The following PDE3A variants were observed in gnomAD, a reference collection of about 807,000 sequenced individuals.
The protein encoded by PDE3A is phosphodiesterase 3A.
In PDE3A, 43 loss-of-function variants were observed where a neutral mutation model predicts 98.3. The ratio of observed to expected loss-of-function variants is 0.44; its 90% CI spans 0.34 to 0.56. The LOEUF (loss-of-function observed/expected upper bound fraction) is 0.56. Ranked by LOEUF, PDE3A falls within the 20% of genes least tolerant of loss-of-function variation. The pLI, the probability that PDE3A is intolerant of heterozygous loss-of-function variation, is 0.01. For missense variants in PDE3A, 1,427 were observed against 1,440.7 expected (o/e 0.99, Z 0.15); for synonymous variants, 663 against 567.9 (o/e 1.17, Z -2.38).
At chr12:20,655,504 T>C (rs1945021810) in intron 15 of PDE3A, among the ~76,000 whole-genome samples, 2 of 152,150 alleles carry the variant, frequency 1.3e-5, no homozygotes, top group Admixed American at 1.3e-4. Flanking sequence ...CTGTTTCTGG[T>C]TGGGCCAGTA....
Position 20,683,643 on chromosome 12 carries a change from T to C in PDE3A, c.*3372T>C, listed in dbSNP as rs1487944142. 6.6e-6 allele frequency: 1 copy of C among 152,174 alleles called. No homozygotes were observed. Among genetic ancestry groups the C allele is most frequent in the Non-Finnish European group, 1.5e-5 (1 of 68,018 alleles). The allele number at this position is 152,174 out of a possible 1,614,324, so 9.4% of individuals were successfully genotyped here. ...CTTTTGCTTTTGTTAGCTGTAATAT[T>C]TTTTGTCATTTAGATAAGACCTGGT... On this transcript the variant is annotated 3_prime_UTR_variant, in exon 16 of 16. Coordinates refer to ENST00000359062, the MANE Select transcript of PDE3A (RefSeq NM_000921.5).
At chr12:20,578,474 TACACACACACACAC>T (rs5796870) in intron 2 of PDE3A, among the ~76,000 whole-genome samples, 3 of 148,462 alleles carry the variant, frequency 2.0e-5, no homozygotes, top group Non-Finnish European at 3.0e-5. Flanking sequence ...ATACAACTAA[TACACACACACACAC>T]ACACACACAC....
chr12:20,615,016 C>CTTTTTTTTTTT (rs11313010), intron 3 of PDE3A, among the ~76,000 whole-genome samples: 6 of 59,114 alleles, frequency 1.0e-4, no homozygotes, highest in Admixed American at 5.3e-4. Flanking sequence ...TTCTCTCTTT[C>CTTTTTTTTTTT]TTTTTTTTTT....
chr12:20,629,684 A>G (rs555570730), intron 5 of PDE3A, among the ~76,000 whole-genome samples: 72 of 152,228 alleles, frequency 4.7e-4, no homozygotes, highest in African/African-American at 1.7e-3. Flanking sequence ...ATGTGCCAAC[A>G]TTGCCACTAT....
intron 1 of PDE3A, among the ~76,000 whole-genome samples, chr12:20,452,189 A>G (rs1480150332): frequency 2.0e-5 from 3 of 152,216 alleles, no homozygotes; most frequent in Admixed American, 6.5e-5. Context: ...ATCATGGTTC[A>G]TATAGTCTAA....
At chr12:20,498,387 A>T (rs1945962470) in intron 1 of PDE3A, among the ~76,000 whole-genome samples, 1 of 151,956 alleles carries the variant, frequency 6.6e-6, no homozygotes, top group African/African-American at 2.4e-5. Flanking sequence ...CAAGAAAAAA[A>T]GTGAGTGAGT....
At chr12:20,380,104 G>A (rs529403570) in intron 1 of PDE3A, among the ~76,000 whole-genome samples, 2 of 151,922 alleles carry the variant, frequency 1.3e-5, no homozygotes, top group South Asian at 4.1e-4. Flanking sequence ...GTGCTCTTCA[G>A]CTATCACCTT....
chr12:20,670,347 C>A (rs1204428711), intron 15 of PDE3A, among the ~76,000 whole-genome samples: 2 of 149,338 alleles, frequency 1.3e-5, no homozygotes, highest in Non-Finnish European at 3.0e-5. Flanking sequence ...ACCAAGCGGA[C>A]CTAATAGACA....
At chr12:20,512,372 C>A (rs1290427661) in intron 1 of PDE3A, among the ~76,000 whole-genome samples, 1 of 152,012 alleles carries the variant, frequency 6.6e-6, no homozygotes, top group Admixed American at 6.6e-5. Flanking sequence ...AAATTATACA[C>A]TCTTTAATTA....
rs1246878355 is a variant in PDE3A at position 20,683,337 on chromosome 12, A to T, written c.*3066A>T. On this transcript the variant is annotated 3_prime_UTR_variant, in exon 16 of 16. Coordinates refer to ENST00000359062, the MANE Select transcript of PDE3A (RefSeq NM_000921.5). ...TTGTTGCAATTTACTACATTTTTATATGAGCCTATTTATAGGTGCCATTAA... is the reference window on the plus strand; with the variant it reads ...TTGTTGCAATTTACTACATTTTTATTTGAGCCTATTTATAGGTGCCATTAA... The T allele has an allele frequency of 2.0e-5, 3 of 152,142 alleles. No individual in the cohort carries two copies. Among genetic ancestry groups the T allele is most frequent in the Admixed American group, 6.6e-5 (1 of 15,260 alleles). The allele number at this position is 152,142 out of a possible 1,614,324, so 9.4% of individuals were successfully genotyped here.
At position 20,384,739 on chromosome 12, in the gene PDE3A, T is replaced by G. The variant is rs895924341; in HGVS notation, c.960+14495T>G. On this transcript the variant is annotated intron_variant, in intron 1 of 15. Transcript: ENST00000359062. The stretch of plus-strand genomic sequence containing the variant: ...TTGTTCCCCTCCCCATGTCCATGTG[T>G]TATCATTGTTCAGCTCCCACTTATA... Among the ~76,000 whole-genome samples the G allele has an allele frequency of 7.9e-5, 12 of 152,094 alleles. No homozygotes were observed. The East Asian group carries it at 2.3e-3, about 30-fold the overall frequency.
chr12:20,461,236 G>GAAAAAAA (rs67508401), intron 1 of PDE3A, among the ~76,000 whole-genome samples: 6 of 98,472 alleles, frequency 6.1e-5, no homozygotes, highest in African/African-American at 1.7e-4. Flanking sequence ...GTGTTTGTCA[G>GAAAAAAA]AAAAAAAAAA....
At chr12:20,569,438 C>T (rs889543141) in intron 2 of PDE3A, among the ~76,000 whole-genome samples, 8 of 152,006 alleles carry the variant, frequency 5.3e-5, no homozygotes, top group Admixed American at 4.6e-4. Context: ...ATGTCTCTCT[C>T]TTCTTTCATA....
At chr12:20,466,530 G>A (rs1019012382) in intron 1 of PDE3A, among the ~76,000 whole-genome samples, 10 of 152,066 alleles carry the variant, frequency 6.6e-5, no homozygotes, top group East Asian at 1.9e-4. Flanking sequence ...GTAATACTTC[G>A]AATGTGAATG....
intron 1 of PDE3A, among the ~76,000 whole-genome samples, chr12:20,457,924 G>A (rs1945179649): frequency 6.6e-6 from 1 of 151,938 alleles, no homozygotes; most frequent in Non-Finnish European, 1.5e-5. Flanking sequence ...TTTTCACAAT[G>A]TTATTTATAC....
chr12:20,429,261 C>A (rs577084905), intron 1 of PDE3A, among the ~76,000 whole-genome samples: 1 of 152,238 alleles, frequency 6.6e-6, no homozygotes, highest in South Asian at 2.1e-4. Context: ...TAAGCCCATA[C>A]GTTCTAGTGA....
intron 1 of PDE3A, among the ~76,000 whole-genome samples, chr12:20,423,344 C>T (rs1944551297): frequency 6.6e-6 from 1 of 152,182 alleles, no homozygotes; most frequent in South Asian, 2.1e-4. Flanking sequence ...ATCTCTTTCA[C>T]AGACACAATG....
chr12:20,399,985 G>T (rs1944091546), intron 1 of PDE3A, among the ~76,000 whole-genome samples: 1 of 152,174 alleles, frequency 6.6e-6, no homozygotes, highest in Admixed American at 6.5e-5. Context: ...AAGTTATTTT[G>T]TATAGTCTAA....
intron 2 of PDE3A, among the ~76,000 whole-genome samples, chr12:20,583,534 C>T (rs1943120641): frequency 1.3e-5 from 2 of 152,042 alleles, no homozygotes; most frequent in South Asian, 4.2e-4. Flanking sequence ...GCACAACAGG[C>T]TGTAGAGTTG....
Sources: allele counts gnomAD v4.1 joint callset (sites outside exome capture counted in the v4.1 genomes callset), GRCh38; gene constraint gnomAD v4.1.1; transcripts MANE v1.5; gene names NCBI Gene and HGNC (gene_info 2026-07-23, HGNC 2026-07-21).